SPATA13: variants seen among roughly 807,000 people sequenced by gnomAD.
The protein encoded by SPATA13 is spermatogenesis-associated protein 13.
Under a neutral mutation model 104.0 loss-of-function variants are expected in SPATA13, and 50 were observed. That is an observed-to-expected ratio of 0.48 (90% CI 0.38 to 0.61). SPATA13 has a LOEUF of 0.61. Among genes scored for constraint, SPATA13 ranks in the 20% least tolerant of loss-of-function variants. The pLI is 0.00. For synonymous variants in SPATA13, 606 were observed against 667.5 expected, an observed-to-expected ratio of 0.91 and a Z score of 1.42; for missense variants, 1,524 against 1,690.6, an observed-to-expected ratio of 0.90 and a Z score of 1.73.
In SPATA13 at chr13:24,266,996, C is replaced by T. The variant is rs192214801; in HGVS notation, c.2164+15134C>T. Among the ~76,000 whole-genome samples, 94 of 151,926 alleles carry T rather than the reference C, an allele frequency of 6.2e-4. 1 individual carries two copies. In the East Asian group the frequency reaches 0.017, roughly 28 times the overall value. On this transcript the variant is annotated intron_variant, in intron 4 of 12. Coordinates refer to ENST00000382108, the MANE Select transcript of SPATA13 (RefSeq NM_001166271.3). The stretch of plus-strand genomic sequence containing the variant: ...TTCTTTGAACTATGGTTTAGGTTTT[C>T]GTTGTAGGATTCTTACTGATCTGGT...
In SPATA13 at chr13:24,191,501, C is replaced by CTT. The variant is rs57437676; in HGVS notation, c.-112+30594_-112+30595dup. ...CCTCTTTCTCACTATACATTGCTTT[C>CTT]TTTTTTTTTTTTTTTTTTTTTTTTT... On this transcript the variant is annotated intron_variant, in intron 1 of 12. Coordinates refer to ENST00000382108, the MANE Select transcript of SPATA13 (RefSeq NM_001166271.3). Among the ~76,000 whole-genome samples, 226 of 67,466 alleles carry CTT rather than the reference C, an allele frequency of 3.3e-3. 26 individuals carry two copies. The highest frequency in any genetic ancestry group is 9.8e-3 in the African/African-American group (199 of 20,358). The allele number at this position is 67,466 out of a possible 152,430, so 44.3% of individuals were successfully genotyped here.
intron 4 of SPATA13, among the ~76,000 whole-genome samples, chr13:24,257,731 A>G (rs1873859184): frequency 6.6e-6 from 1 of 152,118 alleles, no homozygotes; most frequent in South Asian, 2.1e-4. Context: ...AGAGTGATAC[A>G]GTAATACGAA....
intron 3 of SPATA13, among the ~76,000 whole-genome samples, chr13:24,125,894 G>C (rs1381861425): frequency 6.6e-6 from 1 of 152,144 alleles, no homozygotes; most frequent in African/African-American, 2.4e-5. Context: ...AGGCAAAAGG[G>C]GGCCCACTCT....
intron 3 of SPATA13, among the ~76,000 whole-genome samples, chr13:24,250,468 G>A (rs1457604749): frequency 6.6e-6 from 1 of 152,148 alleles, no homozygotes; most frequent in Non-Finnish European, 1.5e-5. Flanking sequence ...TTGGAGAAGT[G>A]TATACTTATT....
At chr13:24,001,161 A>T (rs991184590) in intron 2 of SPATA13, among the ~76,000 whole-genome samples, 5 of 152,190 alleles carry the variant, frequency 3.3e-5, no homozygotes, top group Admixed American at 1.3e-4. Flanking sequence ...AATGTCATCC[A>T]GGCTCACAGC....
chr13:24,090,313 A>T (rs9580862), intron 3 of SPATA13, among the ~76,000 whole-genome samples: 6,296 of 152,096 alleles, frequency 0.041, 377 homozygotes, highest in African/African-American at 0.13. Context: ...TTTGGTGTTA[A>T]TGGAGCTTCC....
chr13:24,290,613 C>T, intron 8 of SPATA13, 39 bp from the exon 9 acceptor site: 1 of 1,516,926 alleles, frequency 6.6e-7, no homozygotes, highest in Non-Finnish European at 9.2e-7. Flanking sequence ...GTCCCAGAGG[C>T]ACCCCAGAAG....
upstream of SPATA13, among the ~76,000 whole-genome samples, chr13:24,160,523 C>G (rs966213391): frequency 6.6e-6 from 1 of 152,178 alleles, no homozygotes. Context: ...GGATTACAGG[C>G]AAGAGCCACT....
At position 24,297,477 on chromosome 13, in the gene SPATA13, G is replaced by T. The variant is rs1052503405; in HGVS notation, c.3325G>T (p.Val1109Leu). 6.2e-7 allele frequency: 1 copy of T among 1,614,082 alleles called. No individual in the cohort carries two copies. Among genetic ancestry groups the T allele is most frequent in the Non-Finnish European group, 8.5e-7 (1 of 1,180,044 alleles). Residue 1109 changes from valine to leucine, a missense_variant, in exon 11 of 13, where the codon GTG (valine) becomes TTG (leucine). Around this residue, in one of 2 missense-constraint regions of SPATA13, gnomAD observed 435 missense variants for 554.8 expected, o/e 0.78. Coordinates refer to ENST00000382108, the MANE Select transcript of SPATA13 (RefSeq NM_001166271.3). ...RTFFLFDHQL[V>L]SCKKDLLRRD... ...GTTCTTCCTGTTTGACCACCAGCTG[G>T]TGTCCTGCAAGAAGGACCTGCTGCG...
chr13:24,172,039 A>C (rs1882991750), intron 1 of SPATA13, among the ~76,000 whole-genome samples: 1 of 152,184 alleles, frequency 6.6e-6, no homozygotes, highest in Non-Finnish European at 1.5e-5. Context: ...CTTGACGTGG[A>C]TATGGTCAAG....
chr13:24,266,220 T>C (rs1203565494), intron 4 of SPATA13, among the ~76,000 whole-genome samples: 1 of 152,158 alleles, frequency 6.6e-6, no homozygotes, highest in Non-Finnish European at 1.5e-5. Flanking sequence ...AAAAATAACT[T>C]TCTGTATCTA....
chr13:24,298,274 T>G (rs1876935415), intron 11 of SPATA13, among the ~76,000 whole-genome samples: 1 of 152,190 alleles, frequency 6.6e-6, no homozygotes, highest in South Asian at 2.1e-4. Context: ...ATACCTTCAG[T>G]GTTCTTCACT....
intron 10 of SPATA13, among the ~76,000 whole-genome samples, chr13:24,296,590 A>G (rs2138765427): frequency 6.6e-6 from 1 of 152,272 alleles, no homozygotes; most frequent in East Asian, 1.9e-4. Context: ...AACGCAAATA[A>G]TGTCAGGTCC....
At chr13:24,273,444 CAT>C (rs1874761406) in intron 4 of SPATA13, among the ~76,000 whole-genome samples, 1 of 152,212 alleles carries the variant, frequency 6.6e-6, no homozygotes, top group African/African-American at 2.4e-5. Flanking sequence ...TTGTTGTCCA[CAT>C]GTTTAAAAGA....
intron 1 of SPATA13, among the ~76,000 whole-genome samples, chr13:24,214,240 T>C (rs2138594205): frequency 6.6e-6 from 1 of 152,322 alleles, no homozygotes; most frequent in South Asian, 2.1e-4. Flanking sequence ...TGCACCTCCA[T>C]AGACACTTTT....
intron 9 of SPATA13, among the ~76,000 whole-genome samples, 179 bp downstream of exon 9, chr13:24,291,063 T>C (rs1211382891): frequency 6.6e-6 from 1 of 152,136 alleles, no homozygotes; most frequent in African/African-American, 2.4e-5. Flanking sequence ...ATAGAGTGGT[T>C]GAAGAGCCTC....
intron 3 of SPATA13, among the ~76,000 whole-genome samples, chr13:24,053,327 A>G (rs1468482207): frequency 1.3e-5 from 2 of 152,208 alleles, no homozygotes; most frequent in African/African-American, 2.4e-5. Context: ...TTTGATGCAA[A>G]TATCTAGTGA....
At chr13:24,201,002 T>G (rs1053975155) in intron 1 of SPATA13, among the ~76,000 whole-genome samples, 17 of 146,504 alleles carry the variant, frequency 1.2e-4, no homozygotes, top group African/African-American at 4.2e-4. Context: ...CTTTGCACGC[T>G]CATGTGAATT....
intron 1 of SPATA13, among the ~76,000 whole-genome samples, chr13:24,169,849 G>A (rs1882896565): frequency 6.6e-6 from 1 of 152,168 alleles, no homozygotes; most frequent in South Asian, 2.1e-4. Context: ...TGCTCTGCCT[G>A]CAGACTCCAC....
Sources: gnomAD v4.1 joint callset for allele counts (sites outside exome capture counted in the v4.1 genomes callset) on GRCh38, gnomAD v4.1.1 for gene constraint, gnomAD v4.1.1 regional missense constraint, MANE v1.5 for transcripts, NCBI Gene and HGNC (gene_info 2026-07-23, HGNC 2026-07-21) for gene names.